The following TAF1B variants were observed in gnomAD, a reference collection of about 807,000 sequenced individuals.
TAF1B encodes TATA box-binding protein-associated factor RNA polymerase I subunit B.
TAF1B carries 61 observed loss-of-function variants against 83.9 expected under a neutral mutation model. The ratio of observed to expected loss-of-function variants is 0.73; its 90% CI spans 0.59 to 0.90. TAF1B has a LOEUF of 0.90. TAF1B is among the 40% of genes least tolerant of loss of function. The probability of loss-of-function intolerance (pLI) is 0.00; values close to 1 mark genes in which losing one functional copy is unlikely to be tolerated. For synonymous variants in TAF1B, 221 were observed against 224.6 expected, an observed-to-expected ratio of 0.98 and a Z score of 0.14; for missense variants, 625 against 677.0, an observed-to-expected ratio of 0.92 and a Z score of 0.85.
intron 5 of TAF1B, among the ~76,000 whole-genome samples, chr2:9,856,140 G>T (rs1483260382): frequency 1.3e-5 from 2 of 152,144 alleles, no homozygotes; most frequent in Non-Finnish European, 2.9e-5. Context: ...TGAAGAGTAG[G>T]TTACAGAGAT....
At chr2:9,905,830 CAT>C (rs33926842) in intron 9 of TAF1B, among the ~76,000 whole-genome samples, 27,341 of 151,868 alleles carry the variant, frequency 0.18, 3,108 homozygotes, top group East Asian at 0.31. Context: ...TATGTAGTAA[CAT>C]ATATAAATGT....
intron 14 of TAF1B, among the ~76,000 whole-genome samples, chr2:9,924,560 C>T (rs913034599): frequency 1.7e-4 from 26 of 152,206 alleles, no homozygotes; most frequent in Admixed American, 1.5e-3. Context: ...TGTCCTAAGA[C>T]GCTGTGTGCC....
At chr2:9,862,672 A>C (rs1411391002) in intron 5 of TAF1B, among the ~76,000 whole-genome samples, 1 of 152,164 alleles carries the variant, frequency 6.6e-6, no homozygotes, top group African/African-American at 2.4e-5. Context: ...ATGAAGGAAA[A>C]CATGTTAAGG....
chr2:9,903,375 G>A (rs383724), intron 8 of TAF1B, among the ~76,000 whole-genome samples: 42,454 of 152,040 alleles, frequency 0.28, 6,910 homozygotes, highest in Middle Eastern at 0.4. Flanking sequence ...GTGGGCCACC[G>A]TACCCTGGCC....
At chr2:9,859,386 ATTTT>A in intron 5 of TAF1B, among the ~76,000 whole-genome samples, 1 of 133,418 alleles carries the variant, frequency 7.5e-6, no homozygotes, top group Non-Finnish European at 1.6e-5. Flanking sequence ...CACTATCAGC[ATTTT>A]TTTTTTTTTT....
At chr2:9,929,142 T>TTTGTTGTTATTGTTG (rs1666132503) in intron 14 of TAF1B, among the ~76,000 whole-genome samples, 1 of 150,914 alleles carries the variant, frequency 6.6e-6, no homozygotes, top group Non-Finnish European at 1.5e-5. Flanking sequence ...ATTGGTTCTG[T>TTTGTTGTTATTGTTG]TTGTTGTTGT....
At chr2:9,853,267 A>G (rs771859806) in intron 4 of TAF1B, among the ~76,000 whole-genome samples, 24 of 152,362 alleles carry the variant, frequency 1.6e-4, no homozygotes, top group Admixed American at 2.0e-4. Flanking sequence ...GCATTATGCC[A>G]TGTACACAGG....
At chr2:9,884,374 T>A (rs1027663215) in intron 8 of TAF1B, among the ~76,000 whole-genome samples, 2 of 152,226 alleles carry the variant, frequency 1.3e-5, no homozygotes, top group Non-Finnish European at 2.9e-5. Flanking sequence ...AAGGGGCATG[T>A]TTCAGACCTG....
At chr2:9,907,648 A>G (rs1665386790) in intron 9 of TAF1B, among the ~76,000 whole-genome samples, 1 of 152,040 alleles carries the variant, frequency 6.6e-6, no homozygotes, top group South Asian at 2.1e-4. Context: ...GGTTCCTCCC[A>G]TTGTCACCCA....
chr2:9,858,472 C>T (rs183532515), intron 5 of TAF1B, among the ~76,000 whole-genome samples: 17 of 152,348 alleles, frequency 1.1e-4, no homozygotes, highest in African/African-American at 2.6e-4. Context: ...ATCTGCAAGA[C>T]GATGGCCCTC....
chr2:9,888,804 T>G (rs1321902877), intron 8 of TAF1B, among the ~76,000 whole-genome samples: 15 of 144,282 alleles, frequency 1.0e-4, no homozygotes, highest in South Asian at 4.4e-4. Context: ...TTTTTTTTTT[T>G]TTTTTTTTTT....
At chr2:9,846,101 T>C (rs775024611) in intron 2 of TAF1B, 22 of 470,942 alleles carry the variant, frequency 4.7e-5, no homozygotes, top group Non-Finnish European at 7.9e-5. Flanking sequence ...TCTCATTTCC[T>C]CCTCATCACT....
intron 5 of TAF1B, among the ~76,000 whole-genome samples, chr2:9,855,260 G>T (rs1357072110): frequency 6.6e-6 from 1 of 152,358 alleles, no homozygotes; most frequent in African/African-American, 2.4e-5. Flanking sequence ...CTCCCAAAGT[G>T]CTGGGATTAC....
chr2:9,929,142 T>G (rs927929786), intron 14 of TAF1B, among the ~76,000 whole-genome samples: 4 of 150,914 alleles, frequency 2.7e-5, no homozygotes, highest in Non-Finnish European at 2.9e-5. Context: ...ATTGGTTCTG[T>G]TTGTTGTTGT....
intron 14 of TAF1B, among the ~76,000 whole-genome samples, chr2:9,929,078 G>C (rs987687810): frequency 3.9e-5 from 6 of 152,224 alleles, no homozygotes; most frequent in Non-Finnish European, 7.3e-5. Flanking sequence ...AAGGGCTGTT[G>C]AATTTTGTCG....
chr2:9,878,282 C>T (rs562946791), intron 7 of TAF1B, among the ~76,000 whole-genome samples: 1 of 150,280 alleles, frequency 6.7e-6, no homozygotes, highest in Admixed American at 6.6e-5. Context: ...TGTGATGTTG[C>T]CCAAGTTGGT....
intron 12 of TAF1B, among the ~76,000 whole-genome samples, chr2:9,917,221 T>C (rs1473144010): frequency 6.6e-6 from 1 of 152,220 alleles, no homozygotes; most frequent in East Asian, 1.9e-4. Context: ...TGTATAGTCA[T>C]GATTTTACTG....
chr2:9,883,848 T>A (rs1664582209), intron 8 of TAF1B, among the ~76,000 whole-genome samples: 1 of 152,244 alleles, frequency 6.6e-6, no homozygotes, highest in South Asian at 2.1e-4. Flanking sequence ...GTAGTTATGC[T>A]ATAATATCAA....
chr2:9,868,909 G>A (rs924585806), intron 6 of TAF1B: 1 of 338,218 alleles, frequency 3.0e-6, no homozygotes, highest in Non-Finnish European at 5.7e-6. Context: ...AATAAGGAAT[G>A]TATTTAAGAT....
Sources: allele counts gnomAD v4.1 joint callset (sites outside exome capture counted in the v4.1 genomes callset), GRCh38; gene constraint gnomAD v4.1.1; transcripts MANE v1.5; gene names NCBI Gene and HGNC (gene_info 2026-07-23, HGNC 2026-07-21).